RALY: variants seen among roughly 807,000 people sequenced by gnomAD.
RALY encodes RNA-binding protein Raly.
In RALY, 15 loss-of-function variants were observed where a neutral mutation model predicts 30.7. The ratio of observed to expected loss-of-function variants is 0.49; its 90% CI spans 0.33 to 0.75. The LOEUF is 0.75. RALY is among the 30% of genes least tolerant of loss of function. RALY has a pLI of 0.02. For missense variants in RALY, 339 were observed against 414.3 expected (o/e 0.82, Z 1.58); for synonymous variants, 177 against 170.8 (o/e 1.04, Z -0.28).
intron 1 of RALY, chr20:34,016,397 GT>G (rs2123036369): frequency 6.6e-6 from 1 of 152,326 alleles, no homozygotes; most frequent in South Asian, 2.1e-4. Flanking sequence ...GAATGTTACT[GT>G]TTATGACCCA....
intron 5 of RALY, among the ~76,000 whole-genome samples, chr20:34,074,182 C>T (rs2122302507): frequency 6.6e-6 from 1 of 152,316 alleles, no homozygotes; most frequent in East Asian, 1.9e-4. Flanking sequence ...CAACAGGGTA[C>T]AGCGCTGGTT....
intron 1 of RALY, among the ~76,000 whole-genome samples, chr20:33,996,234 C>T (rs1438777100): frequency 6.6e-6 from 1 of 152,172 alleles, no homozygotes; most frequent in African/African-American, 2.4e-5. Context: ...CAAGACACCT[C>T]TCTGGAGCAG....
At position 34,077,132 on chromosome 20, in the gene RALY, C is replaced by T. The variant is rs2033913617; in HGVS notation, c.763C>T (p.Pro255Ser). The T allele has an allele frequency of 3.7e-6, 6 of 1,610,572 alleles. No homozygotes were observed. The highest frequency in any genetic ancestry group is 5.1e-6 in the Non-Finnish European group (6 of 1,178,538). ...TGGCGGTGGCGGTGGCAGCAGCCGGCCACCAGCCCCCCAAGAGAACACAAC... is the reference window on the plus strand; with the variant it reads ...TGGCGGTGGCGGTGGCAGCAGCCGGTCACCAGCCCCCCAAGAGAACACAAC... ...GGGGGGGSSR[P>S]PAPQENTTSE... Residue 255 changes from proline to serine, a missense_variant, in exon 8 of 10, where the codon CCA (proline) becomes TCA (serine). Coordinates refer to ENST00000246194, the MANE Select transcript of RALY (RefSeq NM_016732.3).
chr20:34,043,743 A>G (rs982064232), intron 2 of RALY, among the ~76,000 whole-genome samples: 2 of 152,306 alleles, frequency 1.3e-5, no homozygotes. Context: ...TTGTGGGGCC[A>G]TGTTAAGATT....
Position 34,077,077 on chromosome 20 carries a change from T to TGGTGGCAGCGGTGGC in RALY, c.717_731dup (p.Ser244_Gly248dup), listed in dbSNP as rs1568700704. The TGGTGGCAGCGGTGGC allele has an allele frequency of 5.0e-6, 8 of 1,604,726 alleles. No individual in the cohort carries two copies. Among genetic ancestry groups the TGGTGGCAGCGGTGGC allele is most frequent in the East Asian group, 2.2e-5 (1 of 44,650 alleles). On this transcript the variant is annotated inframe_insertion, in exon 8 of 10. Coordinates refer to ENST00000246194, the MANE Select transcript of RALY (RefSeq NM_016732.3). ...GTGGCGCCGGCGGCGGCGGCGGTGG[T>TGGTGGCAGCGGTGGC]GGTGGCAGCGGTGGCGGTGGCAGTG...
rs370322960 is a variant in RALY at position 34,076,939 on chromosome 20, T to C, written c.659-89T>C. 2.5e-6 allele frequency: 4 copies of C among 1,603,522 alleles called. No individual in the cohort carries two copies. In the South Asian group the frequency reaches 3.3e-5, roughly 13 times the overall value. ...GATCCTGGACCACCTGCACTCACCATGCTGAGGCCAGCTTCCGCTAAGGTG... is the reference window on the plus strand; with the variant it reads ...GATCCTGGACCACCTGCACTCACCACGCTGAGGCCAGCTTCCGCTAAGGTG... On this transcript the variant is annotated intron_variant, in intron 7 of 9. Transcript: ENST00000246194.
At chr20:34,077,429 C>T (rs925386367) in intron 8 of RALY, 184 bp downstream of exon 8, 4 of 1,372,466 alleles carry the variant, frequency 2.9e-6, no homozygotes, top group Non-Finnish European at 3.9e-6. Flanking sequence ...CTATCTCAGA[C>T]ACCATCAGAA....
intron 1 of RALY, among the ~76,000 whole-genome samples, chr20:34,003,636 T>TG (rs1286847315): frequency 7.2e-6 from 1 of 138,320 alleles, no homozygotes; most frequent in African/African-American, 2.8e-5. Context: ...GCCAAACAGT[T>TG]TTTTTTTTTT....
At chr20:34,072,683 A>G (rs1601508330) in intron 3 of RALY, among the ~76,000 whole-genome samples, 1 of 152,326 alleles carries the variant, frequency 6.6e-6, no homozygotes, top group African/African-American at 2.4e-5. Context: ...TCTGAGAGCG[A>G]GCAGGAGGGC....
intron 2 of RALY, among the ~76,000 whole-genome samples, chr20:34,045,455 G>A (rs1269659310): frequency 6.6e-6 from 1 of 152,134 alleles, no homozygotes; most frequent in Non-Finnish European, 1.5e-5. Flanking sequence ...GCAGTAAAGA[G>A]GAAAGAGGCA....
chr20:33,997,030 C>T (rs1388769065), intron 1 of RALY, among the ~76,000 whole-genome samples: 1 of 152,186 alleles, frequency 6.6e-6, no homozygotes, highest in Non-Finnish European at 1.5e-5. Flanking sequence ...GTAAGACCTA[C>T]TTTTCTCCCC....
At chr20:34,032,055 C>T (rs576540046) in intron 2 of RALY, among the ~76,000 whole-genome samples, 3 of 152,178 alleles carry the variant, frequency 2.0e-5, no homozygotes, top group Non-Finnish European at 2.9e-5. Context: ...CTCCGCCTCC[C>T]GGGTTCAAGC....
chr20:34,058,226 G>A (rs1356462653), intron 2 of RALY, among the ~76,000 whole-genome samples: 11 of 152,118 alleles, frequency 7.2e-5, no homozygotes, highest in Non-Finnish European at 1.5e-5. Context: ...TATACCTGTC[G>A]TTTTGAGGGC....
chr20:34,054,563 A>G (rs1384943189), intron 2 of RALY, among the ~76,000 whole-genome samples: 1 of 152,166 alleles, frequency 6.6e-6, no homozygotes, highest in East Asian at 1.9e-4. Flanking sequence ...TGGTGGCTCA[A>G]GCCTGTAATC....
intron 2 of RALY, among the ~76,000 whole-genome samples, chr20:34,062,550 C>T (rs1217113341): frequency 6.6e-6 from 1 of 152,248 alleles, no homozygotes; most frequent in Non-Finnish European, 1.5e-5. Context: ...CCCAGTTGGG[C>T]CTGGGCCTAT....
intron 2 of RALY, among the ~76,000 whole-genome samples, chr20:34,062,879 C>T (rs951196643): frequency 1.3e-5 from 2 of 152,232 alleles, no homozygotes; most frequent in Non-Finnish European, 1.5e-5. Flanking sequence ...CGGGGGCCAT[C>T]CCCAAAGCTC....
At chr20:34,055,265 TGTATC>T (rs1568683966) in intron 2 of RALY, among the ~76,000 whole-genome samples, 1 of 152,214 alleles carries the variant, frequency 6.6e-6, no homozygotes, top group Admixed American at 6.5e-5. Flanking sequence ...TACTTAGCAA[TGTATC>T]TTCCATGTAA....
At chr20:34,043,205 C>G (rs1170769209) in intron 2 of RALY, among the ~76,000 whole-genome samples, 3 of 152,200 alleles carry the variant, frequency 2.0e-5, no homozygotes, top group Non-Finnish European at 2.9e-5. Flanking sequence ...TTCCCCTGCT[C>G]AAGGAGGCTC....
At chr20:34,032,370 A>T (rs142707705) in intron 2 of RALY, among the ~76,000 whole-genome samples, 1 of 152,318 alleles carries the variant, frequency 6.6e-6, no homozygotes, top group East Asian at 1.9e-4. Context: ...CGTATGAATA[A>T]TGGTGAGAGT....
Sources: gnomAD v4.1 joint callset for allele counts (sites outside exome capture counted in the v4.1 genomes callset) on GRCh38, gnomAD v4.1.1 for gene constraint, MANE v1.5 for transcripts, NCBI Gene and HGNC (gene_info 2026-07-23, HGNC 2026-07-21) for gene names.